ABCA13: variants seen among roughly 807,000 people sequenced by gnomAD.
ABCA13 encodes ATP-binding cassette sub-family A member 13.
A neutral mutation model predicts 478.7 loss-of-function variants in ABCA13; 476 were observed. That is an observed-to-expected ratio of 0.99 (90% CI 0.92 to 1.07). The LOEUF is 1.07. Ranked by LOEUF, ABCA13 falls within the 50% of genes least tolerant of loss-of-function variation. The pLI is 0.00. For synonymous variants in ABCA13, 2,252 were observed against 2,158.9 expected (o/e 1.04, Z -1.20); for missense variants, 6,060 against 5,910.6 (o/e 1.03, Z -0.83).
intron 55 of ABCA13, among the ~76,000 whole-genome samples, chr7:48,564,915 G>C (rs1310546866): frequency 6.6e-6 from 1 of 152,024 alleles, no homozygotes; most frequent in African/African-American, 2.4e-5. Flanking sequence ...TGACTTGCTT[G>C]ATCTCTAACA....
chr7:48,179,267 C>T (rs1425820257), intron 1 of ABCA13, among the ~76,000 whole-genome samples: 1 of 152,168 alleles, frequency 6.6e-6, no homozygotes. Flanking sequence ...TTGGAGGCCG[C>T]GGCTATTTAT....
intron 54 of ABCA13, among the ~76,000 whole-genome samples, chr7:48,527,065 G>C (rs1832934519): frequency 6.6e-6 from 1 of 152,172 alleles, no homozygotes; most frequent in African/African-American, 2.4e-5. Context: ...AGAGAGGGTG[G>C]CTGTGCAGGC....
Position 48,274,284 on chromosome 7 carries a change from T to C in ABCA13, c.4618T>C (p.Phe1540Leu), listed in dbSNP as rs17712299. Residue 1540 changes from phenylalanine to leucine, a missense_variant, in exon 17 of 62, where the codon TTT becomes CTT. Coordinates refer to ENST00000435803, the MANE Select transcript of ABCA13 (RefSeq NM_152701.5). ...IEMSDEIPNQ[F>L]QNIWLHLITL... The stretch of plus-strand genomic sequence containing the variant: ...AATGTCAGATGAAATTCCTAATCAG[T>C]TTCAAAATATTTGGCTTCATTTAAT... The C allele has an allele frequency of 0.068, 109,711 of 1,613,134 alleles. 4,559 individuals are homozygous for C. The highest frequency in any genetic ancestry group is 0.21 in the East Asian group (9,254 of 44,796).
rs769677217 is a variant in ABCA13, at chr7:48,295,713, T to C, written c.8969T>C (p.Ile2990Thr). The stretch of plus-strand genomic sequence containing the variant: ...TATGTTTTCTAGGAAATTGAAAAGA[T>C]ATGGTCCTCGCCGAATCAGCTAAAT... ...AQDHFQEIEK[I>T]WSSPNQLNCE... The change falls in exon 21 of 62, where the codon ATA becomes ACA. Residue 2990 changes from isoleucine (I) to threonine (T), a missense_variant. By Grantham distance (89) the Ile-to-Thr change is moderately conservative. Around this residue, in one of 3 missense-constraint regions of ABCA13, gnomAD observed 4,423 missense variants for 4,309.1 expected, o/e 1.03. Transcript: ENST00000435803. The C allele has an allele frequency of 1.2e-5, 19 of 1,613,934 alleles. No homozygotes were observed. In the African/African-American group the frequency reaches 2.1e-4, roughly 18 times the overall value.
At chr7:48,640,181 G>C (rs1795002945) in intron 59 of ABCA13, among the ~76,000 whole-genome samples, 1 of 152,062 alleles carries the variant, frequency 6.6e-6, no homozygotes, top group Non-Finnish European at 1.5e-5. Context: ...AATAGTTGAG[G>C]CTGAAATCAA....
At chr7:48,408,842 C>T (rs770950547) in intron 39 of ABCA13, among the ~76,000 whole-genome samples, 3 of 152,146 alleles carry the variant, frequency 2.0e-5, no homozygotes, top group South Asian at 2.1e-4. Flanking sequence ...CTCTCCCTCC[C>T]GGCTCCCTCC....
chr7:48,407,506 A>G (rs1818419988), intron 39 of ABCA13, among the ~76,000 whole-genome samples: 1 of 151,962 alleles, frequency 6.6e-6, no homozygotes, highest in Non-Finnish European at 1.5e-5. Context: ...AAGAAAGCCA[A>G]TAAGAAATAA....
intron 23 of ABCA13, among the ~76,000 whole-genome samples, chr7:48,309,385 A>T (rs759218060): frequency 2.0e-5 from 3 of 152,172 alleles, no homozygotes; most frequent in Non-Finnish European, 4.4e-5. Flanking sequence ...TTTAATTGCG[A>T]TGCATGATAG....
At chr7:48,178,660 C>T (rs1328081831) in intron 1 of ABCA13, among the ~76,000 whole-genome samples, 3 of 147,260 alleles carry the variant, frequency 2.0e-5, no homozygotes, top group Non-Finnish European at 4.5e-5. Flanking sequence ...GGGTGAAGAG[C>T]GAGACTCTAT....
At chr7:48,355,109 G>A (rs1021836449) in intron 31 of ABCA13, among the ~76,000 whole-genome samples, 45 of 151,062 alleles carry the variant, frequency 3.0e-4, no homozygotes, top group Admixed American at 1.6e-3. Context: ...GGAAGCAGAG[G>A]TGCCACAAAT....
chr7:48,320,659 C>T (rs955264760), intron 27 of ABCA13, among the ~76,000 whole-genome samples: 1 of 149,478 alleles, frequency 6.7e-6, no homozygotes, highest in African/African-American at 2.4e-5. Context: ...GAAAGAAAAA[C>T]AGAAAAAAGA....
chr7:48,313,294 C>A, intron 25 of ABCA13, 63 bp downstream of exon 25: 1 of 1,492,706 alleles, frequency 6.7e-7, no homozygotes. Flanking sequence ...GTATTTGCCC[C>A]TTTTTGCCTT....
At chr7:48,196,068 G>A (rs1485855967) in intron 2 of ABCA13, among the ~76,000 whole-genome samples, 2 of 152,132 alleles carry the variant, frequency 1.3e-5, no homozygotes, top group African/African-American at 4.8e-5. Flanking sequence ...CGTGGTATCA[G>A]GACTGATAAG....
chr7:48,376,086 T>A (rs1433247450), intron 34 of ABCA13, among the ~76,000 whole-genome samples: 1 of 152,166 alleles, frequency 6.6e-6, no homozygotes, highest in Non-Finnish European at 1.5e-5. Context: ...AGTTTAGAAT[T>A]TGGGTTCTCA....
intron 55 of ABCA13, among the ~76,000 whole-genome samples, chr7:48,542,861 G>A (rs922979004): frequency 5.3e-5 from 8 of 151,622 alleles, no homozygotes; most frequent in Non-Finnish European, 7.4e-5. Context: ...GGGTCTAATC[G>A]TGACATTTTT....
intron 50 of ABCA13, among the ~76,000 whole-genome samples, chr7:48,509,866 T>C (rs1831524923): frequency 6.6e-6 from 1 of 152,172 alleles, no homozygotes; most frequent in Non-Finnish European, 1.5e-5. Flanking sequence ...ATTAATGGCC[T>C]TGTAAAAGAG....
intron 33 of ABCA13, 54 bp from the exon 34 acceptor site, chr7:48,374,293 G>C: frequency 6.6e-7 from 1 of 1,509,312 alleles, no homozygotes; most frequent in East Asian, 2.4e-5. Context: ...TGGATTTTCT[G>C]TGGTCCCAAT....
intron 15 of ABCA13, among the ~76,000 whole-genome samples, chr7:48,256,506 TC>T (rs1398605517): frequency 1.3e-5 from 2 of 152,172 alleles, no homozygotes; most frequent in African/African-American, 4.8e-5. Flanking sequence ...GCTTCAATCT[TC>T]TGCACATGGC....
At chr7:48,446,252 G>T (rs1347936042) in intron 42 of ABCA13, among the ~76,000 whole-genome samples, 1 of 151,898 alleles carries the variant, frequency 6.6e-6, no homozygotes, top group African/African-American at 2.4e-5. Context: ...ATGGTCTGTG[G>T]CCACTACTAT....
Sources: gnomAD v4.1 joint callset for allele counts (sites outside exome capture counted in the v4.1 genomes callset) on GRCh38, gnomAD v4.1.1 for gene constraint, gnomAD v4.1.1 regional missense constraint, MANE v1.5 for transcripts, NCBI Gene and HGNC (gene_info 2026-07-23, HGNC 2026-07-21) for gene names.